Variants in THEMIS observed in about 807,000 individuals in gnomAD.
THEMIS encodes protein THEMIS.
In THEMIS, 37 loss-of-function variants were observed where a neutral mutation model predicts 52.6. The observed-to-expected ratio is 0.70, with a 90% CI of 0.54 to 0.93. THEMIS has a LOEUF of 0.93. THEMIS is among the 40% of genes least tolerant of loss of function. THEMIS has a pLI of 0.00. For synonymous variants in THEMIS, 292 were observed against 272.7 expected, an observed-to-expected ratio of 1.07 and a Z score of -0.70; for missense variants, 808 against 763.1, an observed-to-expected ratio of 1.06 and a Z score of -0.69.
chr6:127,705,810 CT>C (rs1773790974), downstream of THEMIS, among the ~76,000 whole-genome samples: 1 of 152,170 alleles, frequency 6.6e-6, no homozygotes, highest in Admixed American at 6.5e-5. Context: ...AATTTGGAAC[CT>C]GCTGGCCTCT....
chr6:127,795,135 C>T (rs1224035783), intron 4 of THEMIS, among the ~76,000 whole-genome samples: 1 of 152,066 alleles, frequency 6.6e-6, no homozygotes, highest in Non-Finnish European at 1.5e-5. Flanking sequence ...ATATCTCCCA[C>T]GAGTTTATAG....
chr6:127,865,873 T>C (rs1030090915), intron 1 of THEMIS, among the ~76,000 whole-genome samples: 16 of 152,114 alleles, frequency 1.1e-4, no homozygotes, highest in African/African-American at 3.4e-4. Flanking sequence ...TTAAAAATCA[T>C]TTGCACATTC....
At chr6:127,761,148 A>G (rs2114387526) in intron 4 of THEMIS, among the ~76,000 whole-genome samples, 1 of 152,282 alleles carries the variant, frequency 6.6e-6, no homozygotes, top group Non-Finnish European at 1.5e-5. Flanking sequence ...AATTATGACC[A>G]CAATGAGATA....
intron 1 of THEMIS, among the ~76,000 whole-genome samples, chr6:127,891,985 T>A (rs1780826604): frequency 6.6e-6 from 1 of 152,178 alleles, no homozygotes; most frequent in South Asian, 2.1e-4. Context: ...AACCTAGATC[T>A]TTCCTTGGCT....
chr6:127,759,878 CCT>C (rs1196005016), intron 4 of THEMIS, among the ~76,000 whole-genome samples: 22 of 116,472 alleles, frequency 1.9e-4, no homozygotes, highest in African/African-American at 3.3e-4. Context: ...TTCCTTCCTT[CCT>C]CTCTCTCTCT....
intron 4 of THEMIS, among the ~76,000 whole-genome samples, chr6:127,784,965 A>G (rs1366746351): frequency 1.6e-5 from 2 of 127,866 alleles, no homozygotes; most frequent in African/African-American, 3.0e-5. Flanking sequence ...CTATCTATCT[A>G]TCTATCTATC....
intron 1 of THEMIS, among the ~76,000 whole-genome samples, chr6:127,877,214 G>T (rs1447401203): frequency 6.6e-6 from 1 of 152,170 alleles, no homozygotes; most frequent in African/African-American, 2.4e-5. Context: ...GAATGTTGTG[G>T]CTGATGTGAT....
chr6:127,780,993 A>G (rs551826365), intron 4 of THEMIS, among the ~76,000 whole-genome samples: 5 of 152,212 alleles, frequency 3.3e-5, no homozygotes, highest in African/African-American at 9.6e-5. Flanking sequence ...GTGTTTTCCA[A>G]CTTGGTTCCA....
intron 4 of THEMIS, among the ~76,000 whole-genome samples, chr6:127,754,605 T>C (rs1345940026): frequency 6.6e-6 from 1 of 152,176 alleles, no homozygotes; most frequent in Non-Finnish European, 1.5e-5. Flanking sequence ...CTCCATTCGG[T>C]TTCACAGGGC....
At chr6:127,833,018 A>T (rs1020439982) in intron 2 of THEMIS, among the ~76,000 whole-genome samples, 1 of 151,996 alleles carries the variant, frequency 6.6e-6, no homozygotes, top group African/African-American at 2.4e-5. Context: ...TCCTGACCTC[A>T]GGTGATCTGC....
chr6:127,890,756 A>T (rs1160413846), intron 1 of THEMIS, among the ~76,000 whole-genome samples: 15 of 152,114 alleles, frequency 9.9e-5, no homozygotes. Context: ...CAATAGAATT[A>T]ACAGCTTTTG....
intron 4 of THEMIS, among the ~76,000 whole-genome samples, chr6:127,790,658 C>T (rs1777125054): frequency 1.3e-5 from 2 of 152,300 alleles, no homozygotes; most frequent in East Asian, 1.9e-4. Flanking sequence ...TTTGCTTTGG[C>T]CCACTGTGCT....
the THEMIS span, among the ~76,000 whole-genome samples, chr6:127,702,019 G>A: frequency 7.3e-4 from 110 of 151,204 alleles, no homozygotes; most frequent in Non-Finnish European, 6.6e-4. Context: ...CTTGATTCTC[G>A]GATTTTTTTT....
chr6:127,739,158 C>T (rs1211387619), intron 4 of THEMIS, among the ~76,000 whole-genome samples: 1 of 152,156 alleles, frequency 6.6e-6, no homozygotes, highest in Middle Eastern at 3.4e-3. Context: ...TGACAAACAC[C>T]CCTTCTCAAG....
chr6:127,706,646 A>C (rs1773803847), downstream of THEMIS, among the ~76,000 whole-genome samples: 1 of 152,182 alleles, frequency 6.6e-6, no homozygotes, highest in Non-Finnish European at 1.5e-5. Context: ...AGCTTGTTAG[A>C]TAGAATAAAC....
chr6:127,739,829 T>G (rs187629271), intron 4 of THEMIS, among the ~76,000 whole-genome samples: 2 of 152,064 alleles, frequency 1.3e-5, no homozygotes, highest in Non-Finnish European at 2.9e-5. Context: ...ATCCGCAATT[T>G]GCTACTTTTC....
chr6:127,838,206 T>G (rs1778933716), intron 2 of THEMIS, among the ~76,000 whole-genome samples: 1 of 152,098 alleles, frequency 6.6e-6, no homozygotes, highest in Non-Finnish European at 1.5e-5. Context: ...ACTCAATCTA[T>G]TACAAAATTT....
chr6:127,853,735 T>A (rs980833586), intron 2 of THEMIS, among the ~76,000 whole-genome samples: 2 of 151,720 alleles, frequency 1.3e-5, no homozygotes, highest in Admixed American at 6.6e-5. Context: ...CCTTTCTATA[T>A]GCCATGTACC....
chr6:127,706,896 T>A (rs1773814420), downstream of THEMIS, among the ~76,000 whole-genome samples: 1 of 151,940 alleles, frequency 6.6e-6, no homozygotes, highest in African/African-American at 2.4e-5. Flanking sequence ...TGAATAATGG[T>A]GTATTAGTCC....
Sources: allele counts gnomAD v4.1 joint callset (sites outside exome capture counted in the v4.1 genomes callset), GRCh38; gene constraint gnomAD v4.1.1; transcripts MANE v1.5; gene names NCBI Gene and HGNC (gene_info 2026-07-23, HGNC 2026-07-21).